NEK6: variants seen among roughly 807,000 people sequenced by gnomAD.
The protein encoded by NEK6 is serine/threonine-protein kinase Nek6.
Under a neutral mutation model 43.5 loss-of-function variants are expected in NEK6, and 27 were observed. That is an observed-to-expected ratio of 0.62 (90% confidence interval 0.46 to 0.86). NEK6 has a LOEUF of 0.86. NEK6 is among the 40% of genes least tolerant of loss of function. The pLI is 0.00. For missense variants in NEK6, 318 were observed against 414.4 expected (o/e 0.77, Z 2.02); for synonymous variants, 167 against 164.1 (o/e 1.02, Z -0.14).
chr9:124,339,535 G>A, intron 7 of NEK6, 36 bp from the exon 8 acceptor site: 1 of 1,496,604 alleles, frequency 6.7e-7, no homozygotes, highest in Non-Finnish European at 9.3e-7. Flanking sequence ...TGCCCTACAT[G>A]GAGCATAAGC....
intron 1 of NEK6, among the ~76,000 whole-genome samples, chr9:124,281,285 T>C (rs766879425): frequency 6.6e-6 from 1 of 152,026 alleles, no homozygotes; most frequent in Non-Finnish European, 1.5e-5. Context: ...TTTGTACTCA[T>C]AGGAGAATGG....
intron 2 of NEK6, 106 bp from the exon 3 acceptor site, chr9:124,312,403 T>A: frequency 1.5e-6 from 2 of 1,305,984 alleles, no homozygotes; most frequent in South Asian, 3.0e-5. Context: ...GCAGAGTCCC[T>A]CCTTCACCTT....
At chr9:124,282,641 G>T (rs942418173) in intron 1 of NEK6, among the ~76,000 whole-genome samples, 3 of 152,184 alleles carry the variant, frequency 2.0e-5, no homozygotes, top group African/African-American at 7.2e-5. Context: ...GGTCAGACAC[G>T]CCCACTGAAT....
intron 1 of NEK6, among the ~76,000 whole-genome samples, chr9:124,301,129 T>C (rs1832951591): frequency 6.6e-6 from 1 of 152,148 alleles, no homozygotes; most frequent in Non-Finnish European, 1.5e-5. Context: ...GGTGGCTGGG[T>C]CACACAGGTT....
In NEK6 at chr9:124,326,555, T is replaced by G; in HGVS notation, c.514+117T>G. 22 of 699,494 alleles carry G rather than the reference T, an allele frequency of 3.1e-5. No individual in the cohort carries two copies. The highest frequency in any genetic ancestry group is 4.2e-5 in the Non-Finnish European group (17 of 401,198). The allele number at this position is 699,494 out of a possible 1,614,324, so 43.3% of individuals were successfully genotyped here. A position where few individuals can be genotyped will look rare whatever the true frequency, so the allele number is the denominator to read the frequency against. Reference sequence around the variant, plus strand: ...CTTGAGGAAGTTGGACCGCTCTGTATTCCCCAGGCAAGGGGGCTGCCCAGC... The same window carrying G: ...CTTGAGGAAGTTGGACCGCTCTGTAGTCCCCAGGCAAGGGGGCTGCCCAGC... On this transcript the variant is annotated intron_variant, in intron 6 of 9. Transcript: ENST00000320246. The surrounding 1 kb of genome is among the most constrained non-coding windows in gnomAD (Gnocchi z 4.5).
rs866194946 is a variant in NEK6 at position 124,331,279 on chromosome 9, C to A, written c.622+3834C>A. ...TGTCTCAAAAAAAAAAAAAACAAAA[C>A]ATTTTGCTCATTTTGCTTTTTTGTA... On this transcript the variant is annotated intron_variant, in intron 7 of 9. Transcript: ENST00000320246. Among the ~76,000 whole-genome samples the A allele has an allele frequency of 7.7e-3, 684 of 89,394 alleles. 16 individuals carry two copies. The highest frequency in any genetic ancestry group is 0.018 in the African/African-American group (488 of 26,632). The allele number at this position is 89,394 out of a possible 152,430, so 58.6% of individuals were successfully genotyped here. A position where few individuals can be genotyped will look rare whatever the true frequency, so the allele number is the denominator to read the frequency against.
chr9:124,278,726 T>G (rs1422427008), intron 1 of NEK6, among the ~76,000 whole-genome samples: 1 of 152,166 alleles, frequency 6.6e-6, no homozygotes, highest in Non-Finnish European at 1.5e-5. Flanking sequence ...GTATGTTGGT[T>G]GACACATTAT....
chr9:124,322,963 T>TG (rs1339058170), intron 5 of NEK6, among the ~76,000 whole-genome samples: 1 of 152,244 alleles, frequency 6.6e-6, no homozygotes, highest in Non-Finnish European at 1.5e-5. Flanking sequence ...AGATCCCTGG[T>TG]GGGAACAGAT....
Position 124,312,565 on chromosome 9 carries a change from G to A in NEK6, c.147G>A (p.Lys49=). The A allele has an allele frequency of 4.3e-6, 7 of 1,614,194 alleles. No individual in the cohort carries two copies. The highest frequency in any genetic ancestry group is 5.9e-6 in the Non-Finnish European group (7 of 1,180,026). ...RCSLADFQIE[K]KIGRGQFSEV... is the part of the protein sequence containing the mutation. ...CGCTGGCGGACTTCCAGATCGAAAAGAAGATAGGCCGAGGACAGTTCAGCG... is the reference window on the plus strand; with the variant it reads ...CGCTGGCGGACTTCCAGATCGAAAAAAAGATAGGCCGAGGACAGTTCAGCG... The change falls in exon 3 of 10, where the codon AAG becomes AAA. Residue 49 remains lysine, a synonymous_variant. Transcript: ENST00000320246.
intron 7 of NEK6, among the ~76,000 whole-genome samples, chr9:124,328,762 G>C (rs995902151): frequency 6.6e-6 from 1 of 152,226 alleles, no homozygotes; most frequent in African/African-American, 2.4e-5. Context: ...AGAAATGTAC[G>C]AGCCTAGAGA....
At chr9:124,340,902 G>A (rs757934090) in intron 8 of NEK6, among the ~76,000 whole-genome samples, 1 of 152,236 alleles carries the variant, frequency 6.6e-6, no homozygotes, top group Non-Finnish European at 1.5e-5. Flanking sequence ...GCTGGGCCAC[G>A]TGGGACCCGC....
chr9:124,297,268 G>T (rs1832738873), intron 1 of NEK6, among the ~76,000 whole-genome samples: 2 of 152,224 alleles, frequency 1.3e-5, no homozygotes, highest in Admixed American at 1.3e-4. Context: ...ACAAGTGAGG[G>T]TTAGCTTCAA....
intron 1 of NEK6, among the ~76,000 whole-genome samples, chr9:124,299,547 C>G (rs1278835553): frequency 6.6e-6 from 1 of 152,180 alleles, no homozygotes; most frequent in Non-Finnish European, 1.5e-5. Flanking sequence ...AGTGCAAGAA[C>G]TCGGCACAAA....
chr9:124,307,343 C>T (rs1438495829), intron 2 of NEK6, among the ~76,000 whole-genome samples: 2 of 152,150 alleles, frequency 1.3e-5, no homozygotes, highest in African/African-American at 4.8e-5. Context: ...CTGCCTCTTC[C>T]TGAGAATGCC....
At chr9:124,339,715 G>T (rs956286440) in intron 8 of NEK6, 50 bp downstream of exon 8, 4 of 1,380,382 alleles carry the variant, frequency 2.9e-6, no homozygotes, top group Non-Finnish European at 4.1e-6. Context: ...ATGCATGGGG[G>T]GTGCCCAGTT....
intron 2 of NEK6, among the ~76,000 whole-genome samples, chr9:124,307,981 G>C (rs188126265): frequency 6.6e-6 from 1 of 152,228 alleles, no homozygotes; most frequent in African/African-American, 2.4e-5. Flanking sequence ...CCATTCGACA[G>C]ATAGCAGCAC....
chr9:124,282,663 CG>C (rs1035527518), intron 1 of NEK6, among the ~76,000 whole-genome samples: 4 of 151,252 alleles, frequency 2.6e-5, no homozygotes, highest in African/African-American at 7.2e-5. Flanking sequence ...CTCAGGGGCA[CG>C]GGAGGGCCGG....
intron 1 of NEK6, among the ~76,000 whole-genome samples, chr9:124,293,988 G>C (rs1222988188): frequency 6.6e-6 from 1 of 152,224 alleles, no homozygotes; most frequent in Non-Finnish European, 1.5e-5. Flanking sequence ...CAGCCTCCCT[G>C]CAAGCTTGGG....
Position 124,326,273 on chromosome 9 carries a change from C to A in NEK6, c.406-57C>A. The A allele has an allele frequency of 7.9e-7, 1 of 1,263,210 alleles. No homozygotes were observed. Among genetic ancestry groups the A allele is most frequent in the Non-Finnish European group, 1.1e-6 (1 of 890,074 alleles). The allele number at this position is 1,263,210 out of a possible 1,614,324, so 78.3% of individuals were successfully genotyped here. ...GGACAGAGGCAGTGCCCTGTGGCCA[C>A]CCACCTCCAAGCCCGCTCACCCGGG... On this transcript the variant is annotated intron_variant, in intron 5 of 9. Transcript: ENST00000320246. The surrounding 1 kb of genome is among the most constrained non-coding windows in gnomAD (Gnocchi z 4.5).
Sources: gnomAD v4.1 joint callset for allele counts (sites outside exome capture counted in the v4.1 genomes callset) on GRCh38, gnomAD v4.1.1 for gene constraint, Gnocchi (gnomAD v3.1) non-coding constraint, MANE v1.5 for transcripts, NCBI Gene and HGNC (gene_info 2026-07-23, HGNC 2026-07-21) for gene names.